FOXP1: variants seen among roughly 807,000 people sequenced by gnomAD.
FOXP1 encodes forkhead box P1.
In FOXP1, 15 loss-of-function variants were observed where a neutral mutation model predicts 98.2. The observed-to-expected ratio is 0.15, with a 90% CI of 0.10 to 0.24. FOXP1 has a LOEUF of 0.24. Among genes scored for constraint, FOXP1 ranks in the 10% least tolerant of loss-of-function variants. The pLI, the probability that FOXP1 is intolerant of heterozygous loss-of-function variation, is 1.00. For missense variants in FOXP1, 633 were observed against 848.5 expected (o/e 0.75, Z 3.15); for synonymous variants, 371 against 314.5 (o/e 1.18, Z -1.90).
chr3:71,228,857 G>A (rs987224502), intron 5 of FOXP1, among the ~76,000 whole-genome samples: 2 of 152,072 alleles, frequency 1.3e-5, no homozygotes, highest in Non-Finnish European at 2.9e-5. Context: ...TCTCGTTGAA[G>A]GGCAATGCCA....
At chr3:71,229,073 T>C (rs2066077153) in intron 5 of FOXP1, among the ~76,000 whole-genome samples, 3 of 151,750 alleles carry the variant, frequency 2.0e-5, no homozygotes, top group Non-Finnish European at 2.9e-5. Flanking sequence ...AAGAGTTAAG[T>C]ACACCCCTAT....
chr3:71,110,638 T>C lies in FOXP1; in HGVS notation c.282+1898A>G, dbSNP rs531752327. 9.5e-4 allele frequency among the ~76,000 whole-genome samples: 145 copies of C among 152,342 alleles called. No individual in the cohort carries two copies. In the Middle Eastern group the frequency reaches 0.01, roughly 11 times the overall value. On this transcript the variant is annotated intron_variant, in intron 7 of 20. Transcript: ENST00000649528. ...CCAGTACTTTAATATGTACCAACAA[T>C]TGGCTATGTTATGGAATCTGCAATG...
chr3:71,177,523 A>G (rs993324469), intron 6 of FOXP1, among the ~76,000 whole-genome samples: 8 of 152,206 alleles, frequency 5.3e-5, no homozygotes, highest in African/African-American at 1.9e-4. Flanking sequence ...CAAACACAGT[A>G]AGAGATGCTT....
intron 3 of FOXP1, among the ~76,000 whole-genome samples, chr3:71,391,040 A>G (rs2080994796): frequency 6.6e-6 from 1 of 152,236 alleles, no homozygotes; most frequent in Non-Finnish European, 1.5e-5. Context: ...CATTACTTCA[A>G]AGAGCTCACA....
chr3:71,317,954 T>A (rs1379866993), intron 4 of FOXP1, among the ~76,000 whole-genome samples: 1 of 151,446 alleles, frequency 6.6e-6, no homozygotes, highest in Non-Finnish European at 1.5e-5. Flanking sequence ...CCACAATACC[T>A]TTAAAATGAC....
At chr3:71,583,862 G>T, upstream of FOXP1, 1 of 983,710 alleles carries the variant, frequency 1.0e-6, no homozygotes, top group South Asian at 4.6e-5. Context: ...GGCGCACCCC[G>T]GCCCGACCCT....
At chr3:71,548,134 A>G (rs992200484) in intron 2 of FOXP1, among the ~76,000 whole-genome samples, 5 of 152,168 alleles carry the variant, frequency 3.3e-5, no homozygotes, top group African/African-American at 1.2e-4. Context: ...CAACACCCCC[A>G]AGTTTAAATA....
intron 3 of FOXP1, among the ~76,000 whole-genome samples, chr3:71,454,794 TAAAAAAAAAAAC>T (rs762706715): frequency 2.1e-4 from 19 of 91,776 alleles, no homozygotes; most frequent in Admixed American, 5.1e-4. Context: ...TTGTTTTCTT[TAAAAAAAAAAAC>T]AAAAAAAAAA....
chr3:71,309,918 A>C (rs1320265135), intron 4 of FOXP1, among the ~76,000 whole-genome samples: 2 of 152,164 alleles, frequency 1.3e-5, no homozygotes, highest in African/African-American at 4.8e-5. Flanking sequence ...AGATGTGGAC[A>C]TAAAAAAAAA....
intron 6 of FOXP1, among the ~76,000 whole-genome samples, chr3:71,135,255 CAAA>C (rs11285510): frequency 1.2e-3 from 92 of 76,328 alleles, no homozygotes; most frequent in African/African-American, 4.2e-3. Flanking sequence ...GCCTCCGTCT[CAAA>C]AAAAAAAAAA....
intron 4 of FOXP1, among the ~76,000 whole-genome samples, chr3:71,355,115 T>C (rs1229839053): frequency 6.6e-6 from 1 of 152,240 alleles, no homozygotes; most frequent in Non-Finnish European, 1.5e-5. Context: ...CAGTATTTTA[T>C]TCCTACAATA....
chr3:71,437,191 G>C (rs953420229), intron 3 of FOXP1, among the ~76,000 whole-genome samples: 2 of 152,126 alleles, frequency 1.3e-5, no homozygotes, highest in Non-Finnish European at 2.9e-5. Flanking sequence ...CAGATTGCTC[G>C]AGCCTAGGAG....
At chr3:71,581,792 G>A in intron 1 of FOXP1, 95 bp from the exon 2 acceptor site, 1 of 985,744 alleles carries the variant, frequency 1.0e-6, no homozygotes, top group Non-Finnish European at 1.2e-6. Context: ...GTAGGCCGAG[G>A]GGCCAGGACA....
intron 3 of FOXP1, among the ~76,000 whole-genome samples, chr3:71,492,451 C>CA (rs71120336): frequency 0.084 from 10,836 of 128,750 alleles, 452 homozygotes; most frequent in South Asian, 0.15. Context: ...ACTCCGTCTC[C>CA]AAAAAAAAAA....
In FOXP1 at chr3:71,206,466, C is replaced by T. The variant is rs939742283; in HGVS notation, c.-11-8074G>A. On this transcript the variant is annotated intron_variant, in intron 5 of 20. Coordinates refer to ENST00000649528, the MANE Select transcript of FOXP1 (RefSeq NM_001349338.3). ...ATTCAGATGGGCTGGAGAAGGTAGA[C>T]AATGGGATGTTTAATTTTCCCTGTA... is the stretch of plus-strand genomic sequence containing the variant. 3.9e-5 allele frequency among the ~76,000 whole-genome samples: 6 copies of T among 152,242 alleles called. No individual in the cohort carries two copies. In the East Asian group the frequency reaches 9.7e-4, roughly 25 times the overall value.
At chr3:71,364,724 C>T (rs2078801021) in intron 3 of FOXP1, among the ~76,000 whole-genome samples, 1 of 152,116 alleles carries the variant, frequency 6.6e-6, no homozygotes, top group South Asian at 2.1e-4. Context: ...ACATCAGATA[C>T]CTCCCTAGAG....
intron 3 of FOXP1, among the ~76,000 whole-genome samples, chr3:71,364,580 T>C (rs756664279): frequency 3.3e-5 from 5 of 152,236 alleles, no homozygotes; most frequent in Non-Finnish European, 5.9e-5. Context: ...ACATGTTTTA[T>C]TTATTTCTAA....
At chr3:71,081,790 A>G (rs1481344911) in intron 7 of FOXP1, among the ~76,000 whole-genome samples, 3 of 151,352 alleles carry the variant, frequency 2.0e-5, no homozygotes, top group Admixed American at 1.3e-4. Context: ...CTTGTCTACT[A>G]TGTAGCTAGA....
At chr3:71,292,264 G>A (rs1468852700) in intron 5 of FOXP1, among the ~76,000 whole-genome samples, 2 of 152,156 alleles carry the variant, frequency 1.3e-5, no homozygotes, top group African/African-American at 4.8e-5. Context: ...GCAAGCCATA[G>A]ACTGCAATAA....
Sources: gnomAD v4.1 joint callset for allele counts (sites outside exome capture counted in the v4.1 genomes callset) on GRCh38, gnomAD v4.1.1 for gene constraint, MANE v1.5 for transcripts, NCBI Gene and HGNC (gene_info 2026-07-23, HGNC 2026-07-21) for gene names.